The following NLGN4X variants were observed in gnomAD, a reference collection of about 807,000 sequenced individuals.
NLGN4X encodes neuroligin-4, X-linked.
A neutral mutation model predicts 40.3 loss-of-function variants in NLGN4X; 3 were observed. The ratio of observed to expected loss-of-function variants is 0.07; its 90% CI spans 0.03 to 0.19. The LOEUF is 0.19. Ranked by LOEUF, NLGN4X falls within the 10% of genes least tolerant of loss-of-function variation. The pLI, the probability that NLGN4X is intolerant of heterozygous loss-of-function variation, is 1.00. For missense variants in NLGN4X, 382 were observed against 708.3 expected, an observed-to-expected ratio of 0.54 and a Z score of 5.23; for synonymous variants, 270 against 306.8, an observed-to-expected ratio of 0.88 and a Z score of 1.25.
chrX:6,116,280 G>A (rs747357744), intron 2 of NLGN4X, among the ~76,000 whole-genome samples: 12 of 30,557 alleles, frequency 3.9e-4, no homozygotes, highest in Admixed American at 2.1e-3. Flanking sequence ...GCGACAGACC[G>A]AGACTCTGTC....
At chrX:5,914,540 A>G (rs776556898) in intron 3 of NLGN4X, among the ~76,000 whole-genome samples, 47 of 110,417 alleles carry the variant, frequency 4.3e-4, no homozygotes, top group South Asian at 1.1e-3. Flanking sequence ...GTGAATACAG[A>G]AGTTAAATAT....
chrX:6,199,497 T>C (rs1923409069), intron 1 of NLGN4X, among the ~76,000 whole-genome samples: 1 of 111,893 alleles, frequency 8.9e-6, no homozygotes, highest in Non-Finnish European at 1.9e-5. Flanking sequence ...GAAATTAATT[T>C]ATTGACCACA....
intron 1 of NLGN4X, among the ~76,000 whole-genome samples, chrX:6,184,584 C>A (rs1174285723): frequency 9.1e-6 from 1 of 110,254 alleles, no homozygotes; most frequent in Non-Finnish European, 1.9e-5. Flanking sequence ...CAATTGCTTC[C>A]AAGTTGCTAT....
At chrX:5,984,259 T>C (rs562562339) in intron 3 of NLGN4X, among the ~76,000 whole-genome samples, 3 of 110,916 alleles carry the variant, frequency 2.7e-5, no homozygotes, top group African/African-American at 9.8e-5. Context: ...ACATAAAGAT[T>C]TGATGCATTG....
intron 3 of NLGN4X, among the ~76,000 whole-genome samples, chrX:5,997,390 T>C (rs17315343): frequency 0.17 from 17,362 of 104,989 alleles, 1,146 homozygotes; most frequent in East Asian, 0.26. Context: ...GATTGGGGAA[T>C]GACTTTCAAG....
In NLGN4X at chrX:6,126,606, T is replaced by C. The variant is rs190521045; in HGVS notation, c.472+24389A>G. ...TTGCAAAATAATAATAATAATCAAT[T>C]AACACATAATGCTCAAAGTCTTTAA... is the stretch of plus-strand genomic sequence containing the variant. On this transcript the variant is annotated intron_variant, in intron 2 of 5. Coordinates refer to ENST00000381095, the MANE Select transcript of NLGN4X (RefSeq NM_181332.3). Among the ~76,000 whole-genome samples, 693 of 111,928 alleles carry C rather than the reference T, an allele frequency of 6.2e-3. 6 individuals carry two copies. The highest frequency in any genetic ancestry group is 0.02 in the African/African-American group (627 of 30,937).
At chrX:6,032,237 C>G (rs12857992) in intron 2 of NLGN4X, among the ~76,000 whole-genome samples, 43 of 60,724 alleles carry the variant, frequency 7.1e-4, no homozygotes, top group African/African-American at 2.3e-3. Context: ...CCCCCCCCCC[C>G]CAAAAAAAAT....
intron 1 of NLGN4X, among the ~76,000 whole-genome samples, chrX:6,203,754 C>T (rs1268196259): frequency 8.9e-6 from 1 of 112,416 alleles, no homozygotes; most frequent in Middle Eastern, 4.2e-3. Context: ...TCATGACGGA[C>T]CCTGAGCTAG....
chrX:6,219,431 TCTC>T (rs1925430662), intron 1 of NLGN4X, among the ~76,000 whole-genome samples: 1 of 102,531 alleles, frequency 9.8e-6, no homozygotes, highest in Non-Finnish European at 2.0e-5. Flanking sequence ...CCTTCCTTTT[TCTC>T]TTCTTTCTTT....
intron 2 of NLGN4X, among the ~76,000 whole-genome samples, chrX:6,129,331 A>G (rs1321810672): frequency 2.7e-5 from 3 of 111,897 alleles, no homozygotes; most frequent in Non-Finnish European, 5.6e-5. Context: ...CTAGCCATGC[A>G]CAGAGAAGGT....
At chrX:5,945,960 T>C (rs2034108330) in intron 3 of NLGN4X, among the ~76,000 whole-genome samples, 1 of 111,850 alleles carries the variant, frequency 8.9e-6, no homozygotes, top group South Asian at 3.8e-4. Context: ...ATGACTTCCA[T>C]AGAACCAAGG....
At chrX:6,152,674 C>T (rs967403557) in intron 1 of NLGN4X, among the ~76,000 whole-genome samples, 1 of 112,404 alleles carries the variant, frequency 8.9e-6, no homozygotes, top group African/African-American at 3.2e-5. Flanking sequence ...ACACACTTCA[C>T]TGCTCTGAAT....
chrX:6,088,938 A>C (rs1450634210), intron 2 of NLGN4X, among the ~76,000 whole-genome samples: 2 of 111,984 alleles, frequency 1.8e-5, no homozygotes, highest in Non-Finnish European at 3.8e-5. Flanking sequence ...CAGATGAATG[A>C]TAAATGCCTG....
intron 3 of NLGN4X, among the ~76,000 whole-genome samples, chrX:6,021,039 T>TCC (rs1569189992): frequency 3.3e-5 from 1 of 30,685 alleles, no homozygotes; most frequent in African/African-American, 7.7e-5. Flanking sequence ...TCTCTCTCTC[T>TCC]CTCTCTCTCC....
At chrX:6,170,153 C>T (rs886573520) in intron 1 of NLGN4X, among the ~76,000 whole-genome samples, 23 of 110,823 alleles carry the variant, frequency 2.1e-4, no homozygotes, top group African/African-American at 6.9e-4. Context: ...AACACAGGCA[C>T]GCTATGTTGC....
intron 3 of NLGN4X, among the ~76,000 whole-genome samples, chrX:6,008,055 G>A (rs1337852101): frequency 8.9e-6 from 1 of 112,023 alleles, no homozygotes; most frequent in Non-Finnish European, 1.9e-5. Flanking sequence ...GCATCCCAGT[G>A]AAGGATATGA....
At chrX:6,012,370 G>A (rs1456420544) in intron 3 of NLGN4X, among the ~76,000 whole-genome samples, 1 of 112,064 alleles carries the variant, frequency 8.9e-6, no homozygotes, top group Non-Finnish European at 1.9e-5. Flanking sequence ...CAAAGAGGAT[G>A]CAAGAAGGAG....
At chrX:6,159,405 A>G (rs2040339700) in intron 1 of NLGN4X, among the ~76,000 whole-genome samples, 1 of 112,477 alleles carries the variant, frequency 8.9e-6, no homozygotes, top group Non-Finnish European at 1.9e-5. Context: ...TTTTATGACT[A>G]TGATTATTTT....
chrX:6,126,649 C>G (rs1277792268), intron 2 of NLGN4X, among the ~76,000 whole-genome samples: 1 of 111,769 alleles, frequency 8.9e-6, no homozygotes, highest in African/African-American at 3.2e-5. Flanking sequence ...ATGATTAGAT[C>G]TCAACAAGTA....
Sources: gnomAD v4.1 joint callset for allele counts (sites outside exome capture counted in the v4.1 genomes callset) on GRCh38, gnomAD v4.1.1 for gene constraint, MANE v1.5 for transcripts, NCBI Gene and HGNC (gene_info 2026-07-23, HGNC 2026-07-21) for gene names.